The following MCTP1 variants were observed in gnomAD, a reference collection of about 807,000 sequenced individuals.
The protein encoded by MCTP1 is multiple C2 and transmembrane domain containing 1.
A neutral mutation model predicts 120.6 loss-of-function variants in MCTP1; 69 were observed. That is an observed-to-expected ratio of 0.57 (90% CI 0.47 to 0.70). The LOEUF (loss-of-function observed/expected upper bound fraction) is 0.70. MCTP1 is among the 30% of genes least tolerant of loss of function. The pLI is 0.00. For missense variants in MCTP1, 1,203 were observed against 1,248.8 expected, an observed-to-expected ratio of 0.96 and a Z score of 0.55; for synonymous variants, 529 against 493.1, an observed-to-expected ratio of 1.07 and a Z score of -0.96.
At chr5:95,160,531 G>A (rs1745605172) in intron 1 of MCTP1, among the ~76,000 whole-genome samples, 1 of 151,350 alleles carries the variant, frequency 6.6e-6, no homozygotes, top group Non-Finnish European at 1.5e-5. Context: ...ATTATTTTTT[G>A]AGACATTGGT....
At chr5:95,203,333 A>T (rs921468656) in intron 1 of MCTP1, among the ~76,000 whole-genome samples, 2 of 152,206 alleles carry the variant, frequency 1.3e-5, no homozygotes, top group African/African-American at 4.8e-5. Flanking sequence ...CCCAAAAGAC[A>T]AGTCTATCCA....
At chr5:95,087,884 G>A (rs890948694) in intron 1 of MCTP1, among the ~76,000 whole-genome samples, 11 of 152,106 alleles carry the variant, frequency 7.2e-5, no homozygotes, top group Non-Finnish European at 1.5e-4. Context: ...GGGAGACCTT[G>A]CTTAAAACTT....
intron 2 of MCTP1, among the ~76,000 whole-genome samples, chr5:94,985,727 A>T (rs963073415): frequency 6.6e-6 from 1 of 152,212 alleles, no homozygotes; most frequent in African/African-American, 2.4e-5. Context: ...ACAGAAATGC[A>T]GGAGATTCAA....
intron 1 of MCTP1, among the ~76,000 whole-genome samples, chr5:95,265,971 A>G (rs1758849793): frequency 6.6e-6 from 1 of 152,222 alleles, no homozygotes; most frequent in Non-Finnish European, 1.5e-5. Context: ...GAAGAGTCTC[A>G]TATAAGAATG....
chr5:95,172,472 T>G (rs533564421), intron 1 of MCTP1, among the ~76,000 whole-genome samples: 1 of 152,338 alleles, frequency 6.6e-6, no homozygotes, highest in African/African-American at 2.4e-5. Flanking sequence ...CTTCTAAGAC[T>G]CCTTTCTGTA....
intron 17 of MCTP1, among the ~76,000 whole-genome samples, chr5:94,866,519 T>A (rs989531771): frequency 1.3e-5 from 2 of 150,096 alleles, no homozygotes; most frequent in African/African-American, 4.9e-5. Context: ...GCAGGCCCCT[T>A]CCCACCTTTA....
At chr5:94,936,757 G>A (rs1308082877) in intron 5 of MCTP1, among the ~76,000 whole-genome samples, 1 of 151,992 alleles carries the variant, frequency 6.6e-6, no homozygotes, top group Non-Finnish European at 1.5e-5. Context: ...CAGAAGAAAA[G>A]CCAATTTATA....
At chr5:95,209,758 T>C (rs1752103069) in intron 1 of MCTP1, among the ~76,000 whole-genome samples, 1 of 152,190 alleles carries the variant, frequency 6.6e-6, no homozygotes. Context: ...GTCTGAACAT[T>C]AAGAAGCTCT....
At chr5:94,904,115 G>A (rs1048782219) in intron 10 of MCTP1, among the ~76,000 whole-genome samples, 1 of 152,224 alleles carries the variant, frequency 6.6e-6, no homozygotes, top group Non-Finnish European at 1.5e-5. Flanking sequence ...GTAGTTCAGT[G>A]ACAGGTAAAA....
intron 1 of MCTP1, among the ~76,000 whole-genome samples, chr5:95,087,805 C>T (rs985639259): frequency 6.6e-6 from 1 of 152,140 alleles, no homozygotes; most frequent in African/African-American, 2.4e-5. Context: ...GAACAGCTTG[C>T]CCTTCTGATT....
At chr5:95,278,002 T>C (rs560555886) in intron 1 of MCTP1, among the ~76,000 whole-genome samples, 161 of 152,158 alleles carry the variant, frequency 1.1e-3, no homozygotes, top group South Asian at 4.8e-3. Context: ...GTATGGAATA[T>C]TGTATTTGGA....
chr5:95,232,386 A>G (rs1755061572), intron 1 of MCTP1, among the ~76,000 whole-genome samples: 1 of 151,964 alleles, frequency 6.6e-6, no homozygotes, highest in South Asian at 2.1e-4. Flanking sequence ...TCTCAATTAA[A>G]AGGTAGAAAT....
chr5:95,078,753 C>G (rs965597094), intron 1 of MCTP1, among the ~76,000 whole-genome samples: 2 of 152,078 alleles, frequency 1.3e-5, no homozygotes, highest in African/African-American at 4.8e-5. Context: ...TCTGGTCATT[C>G]TACTACTAAT....
At chr5:94,891,058 C>T (rs1477172484) in intron 11 of MCTP1, among the ~76,000 whole-genome samples, 1 of 152,080 alleles carries the variant, frequency 6.6e-6, no homozygotes, top group African/African-American at 2.4e-5. Context: ...TTTATCAGTC[C>T]CGTATGACCA....
chr5:94,990,636 A>G (rs1316079555), intron 2 of MCTP1, among the ~76,000 whole-genome samples: 1 of 152,222 alleles, frequency 6.6e-6, no homozygotes, highest in African/African-American at 2.4e-5. Context: ...AACATTTATT[A>G]CATTTGCAAA....
chr5:94,878,330 A>C (rs1289106050), intron 12 of MCTP1, among the ~76,000 whole-genome samples: 1 of 152,100 alleles, frequency 6.6e-6, no homozygotes, highest in Non-Finnish European at 1.5e-5. Flanking sequence ...CATATTTTAA[A>C]CATCTGATTG....
chr5:94,765,542 A>C (rs1280907295), intron 19 of MCTP1, among the ~76,000 whole-genome samples: 1 of 152,042 alleles, frequency 6.6e-6, no homozygotes. Flanking sequence ...TCTGCTAAAA[A>C]ATACAAAAAT....
At chr5:94,777,382 T>G (rs1019169557) in intron 19 of MCTP1, among the ~76,000 whole-genome samples, 1 of 152,186 alleles carries the variant, frequency 6.6e-6, no homozygotes, top group Non-Finnish European at 1.5e-5. Flanking sequence ...TGCCTATTTC[T>G]CATATCTAAC....
At chr5:95,233,928 G>C (rs572230992) in intron 1 of MCTP1, among the ~76,000 whole-genome samples, 118 of 151,768 alleles carry the variant, frequency 7.8e-4, no homozygotes, top group Middle Eastern at 6.8e-3. Context: ...CTGAAAAACA[G>C]TGGGGAAAGT....
Sources: allele counts gnomAD v4.1 joint callset (sites outside exome capture counted in the v4.1 genomes callset), GRCh38; gene constraint gnomAD v4.1.1; transcripts MANE v1.5; gene names NCBI Gene and HGNC (gene_info 2026-07-23, HGNC 2026-07-21).